The following SCAF11 variants were observed in gnomAD, a reference collection of about 807,000 sequenced individuals.
SCAF11 encodes the protein protein SCAF11.
A neutral mutation model predicts 140.5 loss-of-function variants in SCAF11; 47 were observed. The observed-to-expected ratio is 0.33, with a 90% CI of 0.26 to 0.43. The LOEUF (loss-of-function observed/expected upper bound fraction) is 0.43, where lower values mean the gene tolerates loss of function less well. Ranked by LOEUF, SCAF11 falls within the 20% of genes least tolerant of loss-of-function variation. SCAF11 has a pLI of 1.00. For synonymous variants in SCAF11, 557 were observed against 579.4 expected (o/e 0.96, Z 0.55); for missense variants, 1,645 against 1,705.1 (o/e 0.96, Z 0.62).
chr12:45,940,111 C>T (rs946946780), intron 6 of SCAF11, among the ~76,000 whole-genome samples: 11 of 152,104 alleles, frequency 7.2e-5, no homozygotes, highest in African/African-American at 2.2e-4. Flanking sequence ...TTAATAAATA[C>T]TGTCTAAGAA....
At chr12:45,966,630 C>G (rs1945956457) in intron 1 of SCAF11, among the ~76,000 whole-genome samples, 1 of 151,888 alleles carries the variant, frequency 6.6e-6, no homozygotes, top group South Asian at 2.1e-4. Context: ...CAGAAAGCAG[C>G]AAGGGAGACA....
chr12:45,944,021 T>C (rs543045572), intron 6 of SCAF11, among the ~76,000 whole-genome samples: 1 of 152,274 alleles, frequency 6.6e-6, no homozygotes, highest in East Asian at 1.9e-4. Flanking sequence ...CTTCTAAAAA[T>C]GAGCCCAGGC....
chr12:45,944,355 G>A (rs1945372312), intron 6 of SCAF11, among the ~76,000 whole-genome samples: 1 of 152,154 alleles, frequency 6.6e-6, no homozygotes, highest in Admixed American at 6.5e-5. Flanking sequence ...TTCAAAGGCA[G>A]AACGTTTGTT....
chr12:45,935,397 C>G (rs1434676683), intron 6 of SCAF11, among the ~76,000 whole-genome samples: 2 of 152,176 alleles, frequency 1.3e-5, no homozygotes, highest in Non-Finnish European at 2.9e-5. Context: ...GACGAACAGG[C>G]TGAGTTCCGG....
chr12:45,960,109 G>C (rs1592204591), intron 3 of SCAF11, among the ~76,000 whole-genome samples: 2 of 152,224 alleles, frequency 1.3e-5, no homozygotes, highest in South Asian at 2.1e-4. Context: ...CTGTCTAGTA[G>C]AGTTAAGTAT....
At chr12:45,966,528 G>A (rs1945952790) in intron 1 of SCAF11, among the ~76,000 whole-genome samples, 1 of 151,434 alleles carries the variant, frequency 6.6e-6, no homozygotes, top group South Asian at 2.1e-4. Context: ...AAAACAGTGT[G>A]GCTATTAAGG....
At chr12:45,956,153 C>T (rs1357639349) in intron 3 of SCAF11, 1 of 716,870 alleles carries the variant, frequency 1.4e-6, no homozygotes, top group South Asian at 1.5e-5. Context: ...CCTCCTGCTG[C>T]TCTATCCTCA....
chr12:45,945,393 C>T (rs1250702653), intron 5 of SCAF11, 80 bp from the exon 6 acceptor site: 7 of 817,814 alleles, frequency 8.6e-6, no homozygotes, highest in Non-Finnish European at 1.4e-5. Flanking sequence ...CATTCTCCTC[C>T]ATCAAAATGA....
intron 1 of SCAF11, among the ~76,000 whole-genome samples, chr12:45,985,340 C>A (rs1170659728): frequency 2.0e-5 from 3 of 152,192 alleles, no homozygotes; most frequent in African/African-American, 7.2e-5. Flanking sequence ...TCCCTACCTT[C>A]TTTGCATAAC....
At chr12:45,972,985 TAG>T (rs1209497912) in intron 1 of SCAF11, among the ~76,000 whole-genome samples, 99 of 138,886 alleles carry the variant, frequency 7.1e-4, no homozygotes, top group Middle Eastern at 3.7e-3. Flanking sequence ...TATAGATATA[TAG>T]ATATAGATAT....
Position 45,964,190 on chromosome 12 carries a change from TATAAG to T in SCAF11, c.-21-7_-21-3del. On this transcript the variant is annotated splice_polypyrimidine_tract_variant and splice_region_variant and intron_variant, in intron 1 of 14. Transcript: ENST00000369367. ...CATTTCTCTTTGGAAAAGGGTTTCC[TATAAG>T]ATAAATTATAATAGAGAATTTTATG... is the stretch of plus-strand genomic sequence containing the variant. 1 of 1,364,480 alleles carries T rather than the reference TATAAG, an allele frequency of 7.3e-7. No individual in the cohort carries two copies. Among genetic ancestry groups the T allele is most frequent in the Non-Finnish European group, 1.0e-6 (1 of 970,992 alleles). The allele number at this position is 1,364,480 out of a possible 1,614,324, so 84.5% of individuals were successfully genotyped here.
rs779197333 is a variant in SCAF11 at position 45,928,340 on chromosome 12, A to T, written c.1361T>A (p.Ile454Lys). 4 of 1,613,940 alleles carry T rather than the reference A, an allele frequency of 2.5e-6. No individual in the cohort carries two copies. The highest frequency in any genetic ancestry group is 3.4e-6 in the Non-Finnish European group (4 of 1,180,006). Residue 454 changes from isoleucine (I) to lysine (K), a missense_variant, in exon 11 of 15, where the codon ATA (isoleucine) becomes AAA (lysine). Physicochemically the swap from Ile to Lys is moderately radical, Grantham distance 102 (BLOSUM62 -3). Coordinates refer to ENST00000369367, the MANE Select transcript of SCAF11 (RefSeq NM_004719.3). ...ANCLKSCNEQ[I>K]EESEKHTANY... ...TGCAGTATGCTTCTCACTTTCTTCT[A>T]TTTGCTCATTGCAACTTTTCAAGCA...
rs1944656297 is a variant in SCAF11 at position 45,919,547 on chromosome 12, T to C, written c.*2501A>G. 1 of 152,252 alleles carries C rather than the reference T, an allele frequency of 6.6e-6. No individual in the cohort carries two copies. Among genetic ancestry groups the C allele is most frequent in the Admixed American group, 6.5e-5 (1 of 15,282 alleles). The allele number at this position is 152,252 out of a possible 1,614,324, so 9.4% of individuals were successfully genotyped here. A position where few individuals can be genotyped will look rare whatever the true frequency, so the allele number is the denominator to read the frequency against. On this transcript the variant is annotated 3_prime_UTR_variant, in exon 15 of 15. Coordinates refer to ENST00000369367, the MANE Select transcript of SCAF11 (RefSeq NM_004719.3). ...ATGTAACTCCACAAAATGTTTCTGA[T>C]TAAGTTTGTGCCCATGCAAAATTAA... is the stretch of plus-strand genomic sequence containing the variant.
intron 3 of SCAF11, chr12:45,961,377 A>G: frequency 1.4e-6 from 1 of 711,034 alleles, no homozygotes; most frequent in East Asian, 2.7e-5. Flanking sequence ...GTAAACAGAT[A>G]TTATCCTATT....
At position 45,963,931 on chromosome 12, in the gene SCAF11, T is replaced by C. The variant is rs146338908; in HGVS notation, c.61+176A>G. On this transcript the variant is annotated intron_variant, in intron 2 of 14. Transcript: ENST00000369367. ...CAATTTAACAAATCAAAAAACTTGA[T>C]CAGTCGAAAATAAGATATGGGAAGA... Among the ~76,000 whole-genome samples, 1,092 of 152,202 alleles carry C rather than the reference T, an allele frequency of 7.2e-3. 10 individuals are homozygous for C. The highest frequency in any genetic ancestry group is 0.025 in the African/African-American group (1,035 of 41,526).
chr12:45,989,590 C>G (rs1946541276), intron 1 of SCAF11, among the ~76,000 whole-genome samples: 1 of 152,180 alleles, frequency 6.6e-6, no homozygotes. Context: ...GTGGCAAGAC[C>G]GCCAGCCATC....
intron 6 of SCAF11, among the ~76,000 whole-genome samples, chr12:45,940,239 G>A (rs772745510): frequency 1.1e-4 from 16 of 151,734 alleles, no homozygotes; most frequent in Non-Finnish European, 1.0e-4. Flanking sequence ...CCTTTAACCT[G>A]AAGGAAAAAA....
chr12:45,950,086 G>A (rs1398628531), intron 4 of SCAF11, among the ~76,000 whole-genome samples: 1 of 152,104 alleles, frequency 6.6e-6, no homozygotes, highest in African/African-American at 2.4e-5. Context: ...GGATGTTTTA[G>A]AAGCCGAAGG....
chr12:45,932,518 T>C (rs1945071886), intron 9 of SCAF11, among the ~76,000 whole-genome samples: 1 of 152,154 alleles, frequency 6.6e-6, no homozygotes, highest in Non-Finnish European at 1.5e-5. Flanking sequence ...GAATGCCCTA[T>C]ACAGAACTAT....
Sources: allele counts gnomAD v4.1 joint callset (sites outside exome capture counted in the v4.1 genomes callset), GRCh38; gene constraint gnomAD v4.1.1; transcripts MANE v1.5; gene names NCBI Gene and HGNC (gene_info 2026-07-23, HGNC 2026-07-21).